WWP1: variants seen among roughly 807,000 people sequenced by gnomAD.
WWP1 encodes the protein NEDD4-like E3 ubiquitin-protein ligase WWP1.
A neutral mutation model predicts 130.6 loss-of-function variants in WWP1; 49 were observed. The ratio of observed to expected loss-of-function variants is 0.38; its 90% confidence interval spans 0.30 to 0.48. WWP1 has a LOEUF of 0.48. Ranked by LOEUF, WWP1 falls within the 20% of genes least tolerant of loss-of-function variation. The pLI is 0.99. For missense variants in WWP1, 809 were observed against 1,100.6 expected (o/e 0.74, Z 3.75); for synonymous variants, 332 against 367.8 (o/e 0.90, Z 1.11).
intron 21 of WWP1, 104 bp downstream of exon 21, chr8:86,452,783 C>A: frequency 7.1e-7 from 1 of 1,399,572 alleles, no homozygotes; most frequent in Non-Finnish European, 9.8e-7. Context: ...TCCTGTAGCA[C>A]AATCTTGAAT....
Position 86,400,906 on chromosome 8 carries a change from A to G in WWP1, c.540-1113A>G, listed in dbSNP as rs970967129. 5.9e-5 allele frequency among the ~76,000 whole-genome samples: 9 copies of G among 152,136 alleles called. No homozygotes were observed. The East Asian group carries it at 1.7e-3, about 29-fold the overall frequency. ...TGACCTGGTTTATATTTTTAAAACAATGCTCAGGCTGCTCTGTGGAGAGCA... is the reference window on the plus strand; with the variant it reads ...TGACCTGGTTTATATTTTTAAAACAGTGCTCAGGCTGCTCTGTGGAGAGCA... On this transcript the variant is annotated intron_variant, in intron 7 of 24. Transcript: ENST00000517970.
chr8:86,358,984 A>C (rs1823409526), intron 1 of WWP1, among the ~76,000 whole-genome samples: 1 of 152,216 alleles, frequency 6.6e-6, no homozygotes, highest in Non-Finnish European at 1.5e-5. Flanking sequence ...GAGCGGACAG[A>C]TGATTAGAAA....
At chr8:86,408,079 C>G (rs949782496) in intron 8 of WWP1, among the ~76,000 whole-genome samples, 5 of 152,142 alleles carry the variant, frequency 3.3e-5, no homozygotes, top group Admixed American at 1.3e-4. Context: ...TTTGCAACAG[C>G]TGTTTTTAAA....
intron 9 of WWP1, chr8:86,417,206 A>G (rs1808937629): frequency 6.6e-6 from 1 of 152,230 alleles, no homozygotes; most frequent in South Asian, 2.1e-4. Flanking sequence ...GGAACTGGGT[A>G]CACAACATGC....
chr8:86,454,678 T>C (rs1296183103), intron 21 of WWP1, among the ~76,000 whole-genome samples: 2 of 152,088 alleles, frequency 1.3e-5, no homozygotes, highest in African/African-American at 4.8e-5. Flanking sequence ...GATGTTATAG[T>C]GGGAGCCCTA....
intron 1 of WWP1, among the ~76,000 whole-genome samples, chr8:86,347,382 C>T (rs1586225637): frequency 6.6e-6 from 1 of 151,778 alleles, no homozygotes; most frequent in Non-Finnish European, 1.5e-5. Flanking sequence ...ACAATTAGAA[C>T]TACAACTAAA....
chr8:86,366,001 C>T (rs1823945542), intron 1 of WWP1, among the ~76,000 whole-genome samples: 1 of 152,164 alleles, frequency 6.6e-6, no homozygotes, highest in Admixed American at 6.5e-5. Context: ...TGTACTTAGC[C>T]TGTTTTCTTG....
intron 14 of WWP1, among the ~76,000 whole-genome samples, chr8:86,434,595 T>A (rs967410031): frequency 6.6e-6 from 1 of 152,246 alleles, no homozygotes; most frequent in Non-Finnish European, 1.5e-5. Context: ...TTTATTGTTT[T>A]ATTGTTCTAG....
intron 20 of WWP1, among the ~76,000 whole-genome samples, chr8:86,451,213 T>TGAAAAAAAAA (rs1811155242): frequency 2.4e-5 from 1 of 42,294 alleles, no homozygotes; most frequent in Non-Finnish European, 5.2e-5. Flanking sequence ...CCCTATGTTA[T>TGAAAAAAAAA]TAAAAAAAAA....
chr8:86,360,048 C>CAAAAACA (rs141938005), intron 1 of WWP1, among the ~76,000 whole-genome samples: 9 of 146,232 alleles, frequency 6.2e-5, no homozygotes, highest in African/African-American at 2.3e-4. Flanking sequence ...GACTCCCTCT[C>CAAAAACA]AAAAACAAAA....
In WWP1 at chr8:86,411,758, C is replaced by T. The variant is rs1370210211; in HGVS notation, c.945C>T (p.Thr315=). The change falls in exon 9 of 25, where the codon ACC becomes ACT. Residue 315 remains threonine, a synonymous_variant. Transcript: ENST00000517970. Reference sequence around the variant, plus strand: ...CTAGAAGTATATTAGAGCCTGACACCTCTAATTCTAGAAGTAGTTCTGCTT... The same window carrying T: ...CTAGAAGTATATTAGAGCCTGACACTTCTAATTCTAGAAGTAGTTCTGCTT... ...SEARSILEPD[T]SNSRSSSAFE... The T allele has an allele frequency of 5.6e-6, 9 of 1,614,054 alleles. No homozygotes were observed. The highest frequency in any genetic ancestry group is 1.7e-5 in the Admixed American group (1 of 59,998).
chr8:86,356,576 A>G (rs1322544105), intron 1 of WWP1, among the ~76,000 whole-genome samples: 1 of 152,038 alleles, frequency 6.6e-6, no homozygotes, highest in Non-Finnish European at 1.5e-5. Flanking sequence ...TACTGATACC[A>G]TTTAGGTTTA....
chr8:86,380,417 TGGTAAC>T (rs1824917822), intron 3 of WWP1, among the ~76,000 whole-genome samples: 1 of 152,140 alleles, frequency 6.6e-6, no homozygotes, highest in Non-Finnish European at 1.5e-5. Flanking sequence ...TTTATTTTTA[TGGTAAC>T]AAAACTGTTT....
Position 86,411,518 on chromosome 8 carries a change from T to G in WWP1, c.725-20T>G. 1 of 1,593,768 alleles carries G rather than the reference T, an allele frequency of 6.3e-7. No individual in the cohort carries two copies. Among genetic ancestry groups the G allele is most frequent in the Middle Eastern group, 1.7e-4 (1 of 5,926 alleles). On this transcript the variant is annotated intron_variant, in intron 8 of 24. Coordinates refer to ENST00000517970, the MANE Select transcript of WWP1 (RefSeq NM_007013.4). ...TTTATCATTACTTGATAGATGATTT[T>G]ATTAATTTTCCCTTCTCAGTTAATG... is the stretch of plus-strand genomic sequence containing the variant.
chr8:86,401,129 C>T (rs1041308763), intron 7 of WWP1, among the ~76,000 whole-genome samples: 25 of 151,672 alleles, frequency 1.6e-4, no homozygotes, highest in African/African-American at 5.8e-4. Flanking sequence ...ATATACTATA[C>T]ATTTTTATAG....
chr8:86,416,981 T>A (rs1808926190), intron 9 of WWP1, among the ~76,000 whole-genome samples: 1 of 152,136 alleles, frequency 6.6e-6, no homozygotes, highest in South Asian at 2.1e-4. Flanking sequence ...CACCACATTC[T>A]GGGGACTCAC....
At chr8:86,448,904 G>C (rs1295230882) in intron 20 of WWP1, among the ~76,000 whole-genome samples, 2 of 152,258 alleles carry the variant, frequency 1.3e-5, no homozygotes, top group East Asian at 1.9e-4. Context: ...CGTGATCATA[G>C]CTTACTGCAG....
intron 14 of WWP1, among the ~76,000 whole-genome samples, chr8:86,432,101 T>C (rs1810007577): frequency 6.6e-6 from 1 of 152,190 alleles, no homozygotes. Flanking sequence ...GTAATGGAGC[T>C]GGTTTCTAAC....
chr8:86,351,194 C>T (rs1379884921), intron 1 of WWP1, among the ~76,000 whole-genome samples: 2 of 152,148 alleles, frequency 1.3e-5, no homozygotes, highest in East Asian at 3.8e-4. Context: ...AACGTAAGCC[C>T]TTAAATCATG....
Sources: allele counts gnomAD v4.1 joint callset (sites outside exome capture counted in the v4.1 genomes callset), GRCh38; gene constraint gnomAD v4.1.1; transcripts MANE v1.5; gene names NCBI Gene and HGNC (gene_info 2026-07-23, HGNC 2026-07-21).